Variants in GALNT13 observed in about 807,000 individuals in gnomAD.
GALNT13 encodes UDP-GalNAc:polypeptide N-acetylgalactosaminyltransferase 13.
A neutral mutation model predicts 64.2 loss-of-function variants in GALNT13; 28 were observed. The observed-to-expected ratio is 0.44, with a 90% CI of 0.32 to 0.60. The LOEUF (loss-of-function observed/expected upper bound fraction) is 0.60, where lower values mean the gene tolerates loss of function less well. GALNT13 is among the 20% of genes least tolerant of loss of function. The pLI, the probability that GALNT13 is intolerant of heterozygous loss-of-function variation, is 0.05. For missense variants in GALNT13, 577 were observed against 669.8 expected (o/e 0.86, Z 1.53); for synonymous variants, 214 against 224.6 (o/e 0.95, Z 0.42).
At chr2:153,552,962 C>T in the GALNT13 span, among the ~76,000 whole-genome samples, 2 of 152,188 alleles carry the variant, frequency 1.3e-5, no homozygotes, top group Non-Finnish European at 2.9e-5. Context: ...TGCTTACCTG[C>T]AGCTCACCTC....
chr2:153,646,114 T>C, the GALNT13 span, among the ~76,000 whole-genome samples: 4 of 152,086 alleles, frequency 2.6e-5, no homozygotes, highest in Admixed American at 6.6e-5. Flanking sequence ...ATGGTGAAGA[T>C]ACAACTTAAC....
chr2:153,462,514 A>G, the GALNT13 span, among the ~76,000 whole-genome samples: 3 of 152,140 alleles, frequency 2.0e-5, no homozygotes, highest in South Asian at 2.1e-4. Context: ...GGCAAAATCA[A>G]TGGCAGTTTC....
chr2:154,117,100 A>AT (rs1681612833), intron 3 of GALNT13, among the ~76,000 whole-genome samples: 1 of 151,894 alleles, frequency 6.6e-6, no homozygotes, highest in Non-Finnish European at 1.5e-5. Context: ...TTCTTTTCAC[A>AT]TTTTTCTGCC....
At chr2:153,409,208 G>C in the GALNT13 span, among the ~76,000 whole-genome samples, 1 of 151,124 alleles carries the variant, frequency 6.6e-6, no homozygotes, top group Admixed American at 6.6e-5. Context: ...TCAGCTTTCA[G>C]ACAGCCTATC....
At chr2:153,437,494 A>G in the GALNT13 span, among the ~76,000 whole-genome samples, 1 of 152,224 alleles carries the variant, frequency 6.6e-6, no homozygotes, top group African/African-American at 2.4e-5. Flanking sequence ...GACTTGCTTT[A>G]TGAATCTGGG....
chr2:153,857,289 A>G, the GALNT13 span, among the ~76,000 whole-genome samples: 1 of 152,166 alleles, frequency 6.6e-6, no homozygotes, highest in South Asian at 2.1e-4. Context: ...TGGTTGTTAT[A>G]TATTTACCAG....
the GALNT13 span, among the ~76,000 whole-genome samples, chr2:153,689,215 CAA>C: frequency 6.6e-6 from 1 of 151,782 alleles, no homozygotes; most frequent in Middle Eastern, 3.4e-3. Context: ...ACATTCATGC[CAA>C]AACTTTGTAT....
intron 3 of GALNT13, among the ~76,000 whole-genome samples, chr2:154,080,130 A>G (rs1701196960): frequency 6.6e-6 from 1 of 151,674 alleles, no homozygotes; most frequent in South Asian, 2.1e-4. Context: ...TGTTATTTCA[A>G]CAAAGGCTGC....
At chr2:153,383,358 A>T in the GALNT13 span, among the ~76,000 whole-genome samples, 2 of 152,118 alleles carry the variant, frequency 1.3e-5, no homozygotes, top group Non-Finnish European at 2.9e-5. Context: ...TTACAGACAC[A>T]TGTAATGGAT....
chr2:153,513,642 A>T, the GALNT13 span, among the ~76,000 whole-genome samples: 1 of 152,036 alleles, frequency 6.6e-6, no homozygotes, highest in Admixed American at 6.6e-5. Flanking sequence ...TTACTTTCAT[A>T]CTTGTTTCCA....
intron 8 of GALNT13, among the ~76,000 whole-genome samples, chr2:154,260,294 A>G (rs940994582): frequency 2.6e-5 from 4 of 152,126 alleles, no homozygotes; most frequent in Admixed American, 2.6e-4. Flanking sequence ...ATGCCTTTTA[A>G]TTTCTCATTT....
At chr2:154,442,922 A>G (rs550817689) in intron 12 of GALNT13, among the ~76,000 whole-genome samples, 1 of 152,268 alleles carries the variant, frequency 6.6e-6, no homozygotes, top group Non-Finnish European at 1.5e-5. Context: ...TGAATTCTAT[A>G]TACATCTGTA....
chr2:154,307,851 A>T (rs542085125), intron 9 of GALNT13, among the ~76,000 whole-genome samples: 13 of 152,320 alleles, frequency 8.5e-5, no homozygotes, highest in African/African-American at 3.1e-4. Flanking sequence ...ACATTATAAA[A>T]AGCAACATTT....
At chr2:153,657,925 G>A in the GALNT13 span, among the ~76,000 whole-genome samples, 4 of 152,182 alleles carry the variant, frequency 2.6e-5, no homozygotes, top group East Asian at 1.9e-4. Context: ...TTCAATTGAT[G>A]TAGAAAATCC....
the GALNT13 span, among the ~76,000 whole-genome samples, chr2:153,743,521 GTTT>G: frequency 2.0e-5 from 3 of 151,212 alleles, no homozygotes; most frequent in South Asian, 6.3e-4. Flanking sequence ...GAAGCTTTTT[GTTT>G]ATTTATCTAT....
At chr2:153,803,455 G>A in the GALNT13 span, among the ~76,000 whole-genome samples, 1 of 152,084 alleles carries the variant, frequency 6.6e-6, no homozygotes, top group Non-Finnish European at 1.5e-5. Context: ...CACTTTGGGA[G>A]GCCAAGGCGG....
the GALNT13 span, among the ~76,000 whole-genome samples, chr2:153,746,981 G>A: frequency 2.0e-5 from 3 of 151,824 alleles, no homozygotes; most frequent in South Asian, 2.1e-4. Flanking sequence ...TATGTAATTC[G>A]ATATGAGTCC....
chr2:154,398,540 A>G (rs1157508711), intron 10 of GALNT13, among the ~76,000 whole-genome samples: 2 of 152,216 alleles, frequency 1.3e-5, no homozygotes, highest in Admixed American at 1.3e-4. Flanking sequence ...CCATATTTTA[A>G]TCTGTAGAAA....
At chr2:154,410,565 T>C (rs1271809352) in intron 11 of GALNT13, among the ~76,000 whole-genome samples, 2 of 151,868 alleles carry the variant, frequency 1.3e-5, no homozygotes, top group African/African-American at 4.8e-5. Flanking sequence ...CTAGAGGCTC[T>C]ACACGTCTCA....
Sources: allele counts gnomAD v4.1 joint callset (sites outside exome capture counted in the v4.1 genomes callset), GRCh38; gene constraint gnomAD v4.1.1; transcripts MANE v1.5; gene names NCBI Gene and HGNC (gene_info 2026-07-23, HGNC 2026-07-21).